Variants in NLRC3 observed in about 807,000 individuals in gnomAD.
NLRC3 encodes the protein NLR family CARD domain-containing protein 3.
Under a neutral mutation model 91.6 loss-of-function variants are expected in NLRC3, and 87 were observed. The ratio of observed to expected loss-of-function variants is 0.95; its 90% CI spans 0.80 to 1.14. The LOEUF is 1.14. Among genes scored for constraint, NLRC3 ranks in the 50% most tolerant of loss-of-function variants. NLRC3 has a pLI of 0.00. For synonymous variants in NLRC3, 694 were observed against 625.3 expected, an observed-to-expected ratio of 1.11 and a Z score of -1.64; for missense variants, 1,577 against 1,418.6, an observed-to-expected ratio of 1.11 and a Z score of -1.79.
chr16:3,577,096 G>T, intron 1 of NLRC3, 53 bp downstream of exon 1: 1 of 703,046 alleles, frequency 1.4e-6, no homozygotes, highest in South Asian at 1.5e-5. Flanking sequence ...CTTCCTGCCA[G>T]CATCCCTTCT....
intron 16 of NLRC3, 119 bp from the exon 17 acceptor site, chr16:3,543,627 G>A (rs1367757747): frequency 4.2e-6 from 3 of 711,854 alleles, no homozygotes; most frequent in Non-Finnish European, 7.4e-6. Flanking sequence ...CACTGAGAAT[G>A]GTTGGCCAGC....
At chr16:3,562,793 C>T (rs2039668158) in intron 5 of NLRC3, 4 of 658,196 alleles carry the variant, frequency 6.1e-6, no homozygotes, top group Non-Finnish European at 1.1e-5. Context: ...CTATATGTTT[C>T]AGAGAGCGCA....
At chr16:3,577,093 C>T (rs1034327247) in intron 1 of NLRC3, 56 bp downstream of exon 1, 1 of 702,918 alleles carries the variant, frequency 1.4e-6, no homozygotes, top group Non-Finnish European at 2.6e-6. Flanking sequence ...GTCCTTCCTG[C>T]CAGCATCCCT....
Position 3,563,966 on chromosome 16 carries a change from AG to A in NLRC3, c.970del (p.Leu324Ter). 1 of 1,602,750 alleles carries A rather than the reference AG, an allele frequency of 6.2e-7. No homozygotes were observed. The highest frequency in any genetic ancestry group is 8.5e-7 in the Non-Finnish European group (1 of 1,177,348). On this transcript the variant is annotated frameshift_variant, in exon 5 of 20. Coordinates refer to ENST00000359128, the MANE Select transcript of NLRC3 (RefSeq NM_178844.4). LOFTEE classifies it high-confidence loss of function. ...GCAGAAGGCTGGGACGGTGCACATC[AG>A]GTACAGGGCCCTGTCAGCCTGCACT... ...SQVQADRALY[L>X]MCTVPAFCRL...
chr16:3,564,560 C>A lies in NLRC3; in HGVS notation c.377G>T (p.Arg126Leu), dbSNP rs754868023. Residue 126 changes from arginine to leucine, a missense_variant, in exon 5 of 20, where the codon CGG becomes CTG. Coordinates refer to ENST00000359128, the MANE Select transcript of NLRC3 (RefSeq NM_178844.4). This position sits in a 1 kb window ranked among gnomAD's most constrained non-coding sequence, Gnocchi z 5.9. Reference sequence around the variant, plus strand: ...CACCCGGGAGAGAGGCAGGAAGAGCCGGTCCAGGGCGACGGTCCTGGCGGG... The same window carrying A: ...CACCCGGGAGAGAGGCAGGAAGAGCAGGTCCAGGGCGACGGTCCTGGCGGG... ...GHPARTVALDRLFLPLSRVSV... is the reference protein window; with the variant it reads ...GHPARTVALDLLFLPLSRVSV... 1 of 1,611,708 alleles carries A rather than the reference C, an allele frequency of 6.2e-7. No homozygotes were observed. Among genetic ancestry groups the A allele is most frequent in the Non-Finnish European group, 8.5e-7 (1 of 1,179,554 alleles).
At chr16:3,553,908 ATTTT>A (rs761837100) in intron 9 of NLRC3, among the ~76,000 whole-genome samples, 1 of 130,396 alleles carries the variant, frequency 7.7e-6, no homozygotes, top group Non-Finnish European at 1.7e-5. Flanking sequence ...TGCCTGGTTA[ATTTT>A]TTTTTTTTTT....
chr16:3,551,032 C>T (rs1370578690), intron 10 of NLRC3, among the ~76,000 whole-genome samples: 1 of 151,630 alleles, frequency 6.6e-6, no homozygotes, highest in Admixed American at 6.6e-5. Flanking sequence ...TACCCACTTA[C>T]CCATTCATCC....
In NLRC3 at chr16:3,541,291, T is replaced by C. The variant is rs1326752573; in HGVS notation, c.*534A>G. 1 of 152,376 alleles carries C rather than the reference T, an allele frequency of 6.6e-6. No individual in the cohort carries two copies. Among genetic ancestry groups the C allele is most frequent in the African/African-American group, 2.4e-5 (1 of 41,460 alleles). 9.4% of individuals were successfully genotyped at this position (152,376 alleles called of 1,614,324 possible). On this transcript the variant is annotated 3_prime_UTR_variant, in exon 20 of 20. Coordinates refer to ENST00000359128, the MANE Select transcript of NLRC3 (RefSeq NM_178844.4). ...CTAGAATTAAAACTTTCATTTATCTTCACAATTTTCCCATAGCTTTTTCAT... is the reference window on the plus strand; with the variant it reads ...CTAGAATTAAAACTTTCATTTATCTCCACAATTTTCCCATAGCTTTTTCAT...
chr16:3,558,498 C>T (rs1157411500), intron 6 of NLRC3, among the ~76,000 whole-genome samples: 4 of 152,022 alleles, frequency 2.6e-5, no homozygotes, highest in African/African-American at 9.7e-5. Flanking sequence ...CAAATTTAGG[C>T]ACACTACTGA....
intron 1 of NLRC3, among the ~76,000 whole-genome samples, chr16:3,572,267 C>T (rs948080098): frequency 6.6e-6 from 1 of 151,606 alleles, no homozygotes; most frequent in Non-Finnish European, 1.5e-5. Flanking sequence ...TATAACATAA[C>T]AGACTGCATT....
At chr16:3,562,217 T>A (rs979173435) in intron 5 of NLRC3, among the ~76,000 whole-genome samples, 2 of 152,130 alleles carry the variant, frequency 1.3e-5, no homozygotes, top group African/African-American at 4.8e-5. Flanking sequence ...AGATATGAAG[T>A]CCTAACCCCC....
chr16:3,549,555 A>G, intron 12 of NLRC3, 142 bp downstream of exon 12: 1 of 699,510 alleles, frequency 1.4e-6, no homozygotes, highest in Non-Finnish European at 2.5e-6. Flanking sequence ...CTGCACCCCA[A>G]GAGAGCAGGA....
rs993839468 is a variant in NLRC3, at chr16:3,541,771, G to C, written c.*54C>G. The C allele has an allele frequency of 7.8e-7, 1 of 1,281,656 alleles. No individual in the cohort carries two copies. The highest frequency in any genetic ancestry group is 1.1e-6 in the Non-Finnish European group (1 of 891,354). 79.4% of individuals were successfully genotyped at this position (1,281,656 alleles called of 1,614,324 possible). On this transcript the variant is annotated 3_prime_UTR_variant, in exon 20 of 20. Transcript: ENST00000359128. ...AGGCCCCCCAGAAGTCGGCCTTTCT[G>C]TTCAAAAGCTTCCAGCTGAGCATCT...
chr16:3,548,789 G>A, intron 13 of NLRC3, 36 bp from the exon 14 acceptor site: 1 of 1,470,972 alleles, frequency 6.8e-7, no homozygotes, highest in Non-Finnish European at 9.3e-7. Context: ...TGAGCCGGGG[G>A]CCGGCTGTGA....
At chr16:3,548,862 A>C in intron 13 of NLRC3, 109 bp from the exon 14 acceptor site, 1 of 767,464 alleles carries the variant, frequency 1.3e-6, no homozygotes, top group East Asian at 2.7e-5. Flanking sequence ...AGCCAGCACG[A>C]GGGGGTGCTT....
chr16:3,577,350 G>A lies in NLRC3; in HGVS notation c.-370C>T. On this transcript the variant is annotated 5_prime_UTR_variant, in exon 1 of 20. Coordinates refer to ENST00000359128, the MANE Select transcript of NLRC3 (RefSeq NM_178844.4). ...CAACCGTGTGGGGGCCGAGAGCAGT[G>A]CAGCCCCGACCTTCTGCAGCCCCAC... The A allele has an allele frequency of 4.9e-6, 3 of 609,082 alleles. No homozygotes were observed. 37.7% of individuals were successfully genotyped at this position (609,082 alleles called of 1,614,324 possible). A position where few individuals can be genotyped will look rare whatever the true frequency, so the allele number is the denominator to read the frequency against.
chr16:3,547,405 G>T (rs1322956541), intron 15 of NLRC3, among the ~76,000 whole-genome samples: 1 of 152,144 alleles, frequency 6.6e-6, no homozygotes, highest in Admixed American at 6.6e-5. Context: ...GGTTGCCAGG[G>T]TTGGGGGAAA....
intron 17 of NLRC3, 167 bp downstream of exon 17, chr16:3,543,256 TCC>T: frequency 1.6e-6 from 1 of 616,310 alleles, no homozygotes; most frequent in East Asian, 2.9e-5. Context: ...TGATAGCGAC[TCC>T]CAGGGAAAGG....
rs183526933 is a variant in NLRC3, at chr16:3,542,358, G to A, written c.3024-84C>T. 3.5e-5 allele frequency: 30 copies of A among 856,726 alleles called. No individual in the cohort carries two copies. In the East Asian group the frequency reaches 7.4e-4, roughly 21 times the overall value. The allele number at this position is 856,726 out of a possible 1,614,324, so 53.1% of individuals were successfully genotyped here. A position where few individuals can be genotyped will look rare whatever the true frequency, so the allele number is the denominator to read the frequency against. ...GGGGAAGCAACAGTGCATTGTCTGG[G>A]GGCAGTAACCCAGGCAGATGTGTCC... On this transcript the variant is annotated intron_variant, in intron 18 of 19. Coordinates refer to ENST00000359128, the MANE Select transcript of NLRC3 (RefSeq NM_178844.4).
Sources: gnomAD v4.1 joint callset for allele counts (sites outside exome capture counted in the v4.1 genomes callset) on GRCh38, gnomAD v4.1.1 for gene constraint, Gnocchi (gnomAD v3.1) non-coding constraint, MANE v1.5 for transcripts, NCBI Gene and HGNC (gene_info 2026-07-23, HGNC 2026-07-21) for gene names.